The following ZDHHC11 variants were observed in gnomAD, a reference collection of about 807,000 sequenced individuals.
ZDHHC11 encodes zDHHC palmitoyltransferase 11.
Under a neutral mutation model 51.3 loss-of-function variants are expected in ZDHHC11, and 44 were observed. The observed-to-expected ratio is 0.86, with a 90% confidence interval of 0.67 to 1.10. The LOEUF is 1.10. Ranked by LOEUF, ZDHHC11 falls within the 50% of genes least tolerant of loss-of-function variation. The probability of loss-of-function intolerance (pLI) is 0.00; values close to 1 mark genes in which losing one functional copy is unlikely to be tolerated. For synonymous variants in ZDHHC11, 163 were observed against 222.0 expected, an observed-to-expected ratio of 0.73 and a Z score of 2.36; for missense variants, 400 against 537.7, an observed-to-expected ratio of 0.74 and a Z score of 2.53.
chr5:836,118 C>G (rs1304651161), intron 6 of ZDHHC11, among the ~76,000 whole-genome samples: 1 of 150,030 alleles, frequency 6.7e-6, no homozygotes, highest in Non-Finnish European at 1.5e-5. Flanking sequence ...CACCTGTGCC[C>G]AGCCTCCAAG....
chr5:798,419 A>G (rs866650837), intron 12 of ZDHHC11, among the ~76,000 whole-genome samples: 3,205 of 146,972 alleles, frequency 0.022, 3 homozygotes, highest in African/African-American at 0.082. Flanking sequence ...GCACGCGTGC[A>G]CACACACACC....
chr5:818,565 G>A (rs1741135880), intron 10 of ZDHHC11, among the ~76,000 whole-genome samples: 1 of 151,628 alleles, frequency 6.6e-6, no homozygotes, highest in African/African-American at 2.4e-5. Flanking sequence ...CTTCTCAGAT[G>A]GATTCCCCCA....
At chr5:814,697 T>C in intron 11 of ZDHHC11, 64 bp downstream of exon 11, 30 of 1,438,426 alleles carry the variant, frequency 2.1e-5, no homozygotes, top group Non-Finnish European at 2.5e-5. Context: ...TATTTTCCTA[T>C]GTAATTTGAG....
At chr5:817,162 G>A (rs1740916725) in intron 10 of ZDHHC11, among the ~76,000 whole-genome samples, 1 of 151,588 alleles carries the variant, frequency 6.6e-6, no homozygotes. Context: ...GATATGAGAA[G>A]TTGTAGCTCT....
chr5:828,326 C>A (rs1424433006), intron 7 of ZDHHC11, among the ~76,000 whole-genome samples: 1 of 151,008 alleles, frequency 6.6e-6, no homozygotes, highest in East Asian at 1.9e-4. Context: ...GGCGGAGGCA[C>A]CCCCCACCTC....
At chr5:819,872 C>A (rs887273061) in intron 9 of ZDHHC11, among the ~76,000 whole-genome samples, 2 of 151,262 alleles carry the variant, frequency 1.3e-5, no homozygotes, top group Admixed American at 1.3e-4. Context: ...CTGAAGTCTG[C>A]GAGCCCCACC....
At chr5:835,484 T>C (rs1486854618) in intron 6 of ZDHHC11, among the ~76,000 whole-genome samples, 1 of 151,828 alleles carries the variant, frequency 6.6e-6, no homozygotes, top group Non-Finnish European at 1.5e-5. Flanking sequence ...CACCTGTCTT[T>C]AGTGCTACAG....
intron 3 of ZDHHC11, among the ~76,000 whole-genome samples, chr5:845,327 G>A (rs1386029883): frequency 2.3e-4 from 35 of 152,282 alleles, no homozygotes; most frequent in Admixed American, 1.0e-3. Context: ...TCATCCTACT[G>A]TCTGGACAGG....
At chr5:844,712 G>A (rs1178177719) in intron 3 of ZDHHC11, among the ~76,000 whole-genome samples, 1 of 152,308 alleles carries the variant, frequency 6.6e-6, no homozygotes, top group East Asian at 1.9e-4. Flanking sequence ...AGGAGGCCCT[G>A]GAGGAGCCCG....
chr5:827,073 C>A lies in ZDHHC11; in HGVS notation c.936-1822G>T, dbSNP rs1436175765. Among the ~76,000 whole-genome samples, 12 of 144,116 alleles carry A rather than the reference C, an allele frequency of 8.3e-5. No individual in the cohort carries two copies. The East Asian group carries it at 2.0e-3, about 24-fold the overall frequency. 94.5% of individuals were successfully genotyped at this position (144,116 alleles called of 152,430 possible). A position where few individuals can be genotyped will look rare whatever the true frequency, so the allele number is the denominator to read the frequency against. ...ACTAGAAGGGATTGGGGTCCTATCT[C>A]TAGCCTCTCCAAGCAAAATAATTAA... On this transcript the variant is annotated intron_variant, in intron 7 of 12. Transcript: ENST00000283441.
At chr5:823,240 A>G (rs1271754245) in intron 8 of ZDHHC11, 1 of 150,924 alleles carries the variant, frequency 6.6e-6, no homozygotes, top group African/African-American at 2.4e-5. Flanking sequence ...TAGGAATGTT[A>G]AAGTTTCCCC....
intron 1 of ZDHHC11, among the ~76,000 whole-genome samples, chr5:858,658 G>A (rs1748617590): frequency 6.6e-6 from 1 of 152,106 alleles, no homozygotes; most frequent in Non-Finnish European, 1.5e-5. Flanking sequence ...TTTCCATGGG[G>A]ACCCTCTGGA....
intron 10 of ZDHHC11, among the ~76,000 whole-genome samples, chr5:815,929 T>C (rs1740725678): frequency 6.6e-6 from 1 of 151,504 alleles, no homozygotes; most frequent in African/African-American, 2.4e-5. Flanking sequence ...ATCATTTTTA[T>C]TGTAGCCTTT....
intron 4 of ZDHHC11, chr5:840,916 C>T (rs1259816019): frequency 4.2e-6 from 6 of 1,413,180 alleles, no homozygotes; most frequent in South Asian, 1.5e-5. Flanking sequence ...CAGTGCCCAC[C>T]CCTTCCTAAG....
intron 9 of ZDHHC11, among the ~76,000 whole-genome samples, chr5:821,517 G>A (rs1480296828): frequency 1.3e-5 from 2 of 151,354 alleles, no homozygotes; most frequent in Admixed American, 6.6e-5. Flanking sequence ...AAGTGAAAGC[G>A]TGCAGGGCTC....
chr5:806,272 C>G (rs1739245055), intron 11 of ZDHHC11, among the ~76,000 whole-genome samples: 1 of 150,928 alleles, frequency 6.6e-6, no homozygotes, highest in Non-Finnish European at 1.5e-5. Flanking sequence ...GAATTCAGGA[C>G]AGAAGAAGCT....
chr5:816,703 C>A, intron 10 of ZDHHC11: 1 of 589,554 alleles, frequency 1.7e-6, no homozygotes. Context: ...GATGGGAATT[C>A]TGACTATTTA....
At chr5:824,274 T>C (rs115831731) in intron 8 of ZDHHC11, among the ~76,000 whole-genome samples, 1 of 150,466 alleles carries the variant, frequency 6.6e-6, no homozygotes, top group Non-Finnish European at 1.5e-5. Flanking sequence ...GCCTGGACAA[T>C]AGAGTGAGAT....
chr5:840,588 G>A lies in ZDHHC11; in HGVS notation c.691C>T (p.Leu231=), dbSNP rs921822279. ...LPLFPVQVQT[L]IVVIIGMLVL... ...AGCATCCCGATGATCACGACTATCAGGGTCTGCACCTGCACCGGGAACAGG... is the reference window on the plus strand; with the variant it reads ...AGCATCCCGATGATCACGACTATCAAGGTCTGCACCTGCACCGGGAACAGG... The change falls in exon 5 of 13, where the codon CTG becomes TTG. Residue 231 remains leucine (L), a synonymous_variant. Transcript: ENST00000283441. The A allele has an allele frequency of 1.2e-5, 19 of 1,613,926 alleles. No individual in the cohort carries two copies. The highest frequency in any genetic ancestry group is 1.5e-5 in the Non-Finnish European group (18 of 1,179,880).
Sources: allele counts gnomAD v4.1 joint callset (sites outside exome capture counted in the v4.1 genomes callset), GRCh38; gene constraint gnomAD v4.1.1; transcripts MANE v1.5; gene names NCBI Gene and HGNC (gene_info 2026-07-23, HGNC 2026-07-21).